Variants in GFOD1 observed in about 807,000 individuals in gnomAD.
The protein encoded by GFOD1 is Gfo/Idh/MocA-like oxidoreductase domain containing 1.
GFOD1 carries 9 observed loss-of-function variants against 25.4 expected under a neutral mutation model. That is an observed-to-expected ratio of 0.35 (90% CI 0.21 to 0.62). The LOEUF (loss-of-function observed/expected upper bound fraction) is 0.62, where lower values mean the gene tolerates loss of function less well. GFOD1 is among the 20% of genes least tolerant of loss of function. GFOD1 has a pLI of 0.72. For missense variants in GFOD1, 403 were observed against 556.9 expected (o/e 0.72, Z 2.78); for synonymous variants, 253 against 245.6 (o/e 1.03, Z -0.28).
chr6:13,474,785 C>T (rs1440409241), intron 1 of GFOD1, among the ~76,000 whole-genome samples: 1 of 152,200 alleles, frequency 6.6e-6, no homozygotes, highest in African/African-American at 2.4e-5. Flanking sequence ...TACTGGAAGA[C>T]AATCTTCAAC....
chr6:13,438,776 C>T (rs1757870848), intron 1 of GFOD1, among the ~76,000 whole-genome samples: 1 of 152,094 alleles, frequency 6.6e-6, no homozygotes, highest in African/African-American at 2.4e-5. Flanking sequence ...AGTCCATACC[C>T]CAGCCCAGTG....
intron 1 of GFOD1, among the ~76,000 whole-genome samples, chr6:13,423,555 G>A (rs1472506299): frequency 2.6e-5 from 4 of 152,166 alleles, no homozygotes; most frequent in Non-Finnish European, 4.4e-5. Context: ...CGAGGCAAGC[G>A]GCTCTCCATG....
At chr6:13,453,022 C>G (rs1758125307) in intron 1 of GFOD1, among the ~76,000 whole-genome samples, 1 of 152,210 alleles carries the variant, frequency 6.6e-6, no homozygotes, top group African/African-American at 2.4e-5. Context: ...ACTTTGTGAA[C>G]ATTCACATGC....
intron 1 of GFOD1, among the ~76,000 whole-genome samples, chr6:13,460,645 A>G (rs1328520062): frequency 6.6e-6 from 1 of 151,808 alleles, no homozygotes; most frequent in African/African-American, 2.4e-5. Context: ...GAGGGGAACA[A>G]CACACACCGG....
At chr6:13,478,336 C>T (rs1758674371) in intron 1 of GFOD1, among the ~76,000 whole-genome samples, 1 of 152,160 alleles carries the variant, frequency 6.6e-6, no homozygotes, top group East Asian at 1.9e-4. Context: ...GACAGGATTT[C>T]AGCATGTTGG....
intron 1 of GFOD1, among the ~76,000 whole-genome samples, chr6:13,408,633 CT>C: frequency 6.6e-6 from 1 of 152,154 alleles, no homozygotes; most frequent in Admixed American, 6.5e-5. Flanking sequence ...GCCCGGGCCC[CT>C]CTACCTTTAG....
At chr6:13,379,204 A>T (rs1785312344) in intron 1 of GFOD1, among the ~76,000 whole-genome samples, 1 of 152,096 alleles carries the variant, frequency 6.6e-6, no homozygotes, top group Non-Finnish European at 1.5e-5. Flanking sequence ...TTGGGGGAGG[A>T]AAGGTAGTAG....
At chr6:13,482,573 C>T (rs890463001) in intron 1 of GFOD1, among the ~76,000 whole-genome samples, 6 of 151,848 alleles carry the variant, frequency 4.0e-5, no homozygotes, top group Non-Finnish European at 8.8e-5. Flanking sequence ...ATAGGGAAAC[C>T]CCATCTCTAC....
intron 1 of GFOD1, among the ~76,000 whole-genome samples, chr6:13,374,904 A>G (rs2496139): frequency 0.67 from 101,065 of 151,558 alleles, 35,279 homozygotes; most frequent in African/African-American, 0.88. Flanking sequence ...CACCAAGCCC[A>G]GCTAATTTTG....
intron 1 of GFOD1, among the ~76,000 whole-genome samples, chr6:13,443,945 G>A (rs868204732): frequency 6.6e-6 from 1 of 151,970 alleles, no homozygotes; most frequent in Admixed American, 6.6e-5. Context: ...CTTGCTCAAG[G>A]CTCAGATGAT....
chr6:13,431,974 T>C (rs1196454914), intron 1 of GFOD1, among the ~76,000 whole-genome samples: 1 of 152,170 alleles, frequency 6.6e-6, no homozygotes, highest in African/African-American at 2.4e-5. Context: ...AAGAGACCAT[T>C]TCCTCAGCAG....
At position 13,389,986 on chromosome 6, in the gene GFOD1, T is replaced by TTCCC. The variant is rs2127560819; in HGVS notation, c.254-24328_254-24325dup. Reference sequence around the variant, plus strand: ...AAACAAGTTCAGCCCCCCGTGCACATTCCCACCTTCCCTCCTTTGCTACCT... The same window carrying TTCCC: ...AAACAAGTTCAGCCCCCCGTGCACATTCCCTCCCACCTTCCCTCCTTTGCTACCT... On this transcript the variant is annotated intron_variant, in intron 1 of 1. Coordinates refer to ENST00000379287, the MANE Select transcript of GFOD1 (RefSeq NM_018988.4). Among the ~76,000 whole-genome samples the TTCCC allele has an allele frequency of 2.0e-5, 3 of 151,650 alleles. No homozygotes were observed. The South Asian group carries it at 6.4e-4, about 32-fold the overall frequency.
At chr6:13,367,077 T>G (rs1435973954) in intron 1 of GFOD1, among the ~76,000 whole-genome samples, 1 of 152,016 alleles carries the variant, frequency 6.6e-6, no homozygotes, top group Non-Finnish European at 1.5e-5. Context: ...ATCATATATA[T>G]AAAATGTTTG....
chr6:13,371,840 G>GC (rs1463086760), intron 1 of GFOD1, among the ~76,000 whole-genome samples: 4 of 152,064 alleles, frequency 2.6e-5, no homozygotes, highest in African/African-American at 9.7e-5. Context: ...TGCTCAGCTC[G>GC]CCCCCCTGAG....
intron 1 of GFOD1, among the ~76,000 whole-genome samples, chr6:13,463,676 G>A (rs1478745091): frequency 2.0e-5 from 3 of 152,106 alleles, no homozygotes; most frequent in East Asian, 1.9e-4. Flanking sequence ...AGCATTTCAC[G>A]TGCCAATGAA....
intron 1 of GFOD1, among the ~76,000 whole-genome samples, chr6:13,458,900 G>A (rs1488488778): frequency 6.6e-6 from 1 of 151,990 alleles, no homozygotes; most frequent in Non-Finnish European, 1.5e-5. Flanking sequence ...GATAATGCCT[G>A]TGTTTGTTTA....
intron 1 of GFOD1, among the ~76,000 whole-genome samples, chr6:13,466,749 C>T (rs573165498): frequency 4.6e-5 from 7 of 152,330 alleles, no homozygotes; most frequent in South Asian, 2.1e-4. Flanking sequence ...TAACCCCAAA[C>T]GCCCACTGTG....
intron 1 of GFOD1, among the ~76,000 whole-genome samples, chr6:13,477,216 G>GT (rs869069113): frequency 0.15 from 21,700 of 140,584 alleles, 2,012 homozygotes; most frequent in African/African-American, 0.24. Context: ...ACCAATAGGG[G>GT]GTGTGTGTGT....
chr6:13,429,674 G>C (rs1388762580), intron 1 of GFOD1, among the ~76,000 whole-genome samples: 1 of 152,164 alleles, frequency 6.6e-6, no homozygotes, highest in Non-Finnish European at 1.5e-5. Context: ...CAACACAATA[G>C]TGTGGCAGGA....
Sources: gnomAD v4.1 joint callset for allele counts (sites outside exome capture counted in the v4.1 genomes callset) on GRCh38, gnomAD v4.1.1 for gene constraint, MANE v1.5 for transcripts, NCBI Gene and HGNC (gene_info 2026-07-23, HGNC 2026-07-21) for gene names.